SUGCT: variants seen among roughly 807,000 people sequenced by gnomAD.
The protein encoded by SUGCT is succinyl-CoA:glutarate CoA-transferase.
A neutral mutation model predicts 55.0 loss-of-function variants in SUGCT; 41 were observed. The ratio of observed to expected loss-of-function variants is 0.74; its 90% CI spans 0.58 to 0.97. SUGCT has a LOEUF of 0.97. Ranked by LOEUF, SUGCT falls within the 50% of genes least tolerant of loss-of-function variation. SUGCT has a pLI of 0.00. For synonymous variants in SUGCT, 187 were observed against 200.4 expected (o/e 0.93, Z 0.56); for missense variants, 568 against 547.8 (o/e 1.04, Z -0.37).
At chr7:40,806,658 T>A (rs1278153557) in intron 13 of SUGCT, among the ~76,000 whole-genome samples, 1 of 152,154 alleles carries the variant, frequency 6.6e-6, no homozygotes, top group Non-Finnish European at 1.5e-5. Flanking sequence ...TTCCACATAT[T>A]TGTATTCAGA....
intron 12 of SUGCT, among the ~76,000 whole-genome samples, chr7:40,730,348 C>T (rs750088232): frequency 2.0e-5 from 3 of 152,168 alleles, no homozygotes. Context: ...CTCAAGTGAT[C>T]CACCTGCCTC....
the SUGCT span, among the ~76,000 whole-genome samples, chr7:40,874,492 G>A: frequency 3.7e-4 from 56 of 152,208 alleles, 1 homozygote; most frequent in East Asian, 2.5e-3. Context: ...TCTTCTTGCC[G>A]ATACAGTGCG....
At chr7:40,973,258 A>G in the SUGCT span, among the ~76,000 whole-genome samples, 1 of 152,218 alleles carries the variant, frequency 6.6e-6, no homozygotes, top group Admixed American at 6.5e-5. Flanking sequence ...GTGTGCTGAT[A>G]GGTGAATTTT....
chr7:40,846,874 T>C (rs1793582086), intron 13 of SUGCT, among the ~76,000 whole-genome samples: 1 of 152,172 alleles, frequency 6.6e-6, no homozygotes. Flanking sequence ...TTAACCCCAC[T>C]TTCTTCATTG....
At chr7:40,271,852 C>T (rs1358550498) in intron 7 of SUGCT, among the ~76,000 whole-genome samples, 2 of 151,890 alleles carry the variant, frequency 1.3e-5, no homozygotes, top group Non-Finnish European at 1.5e-5. Flanking sequence ...CCTTCCCAGC[C>T]TCTGGTAACC....
the SUGCT span, among the ~76,000 whole-genome samples, chr7:40,981,869 T>A: frequency 6.6e-6 from 1 of 152,214 alleles, no homozygotes; most frequent in South Asian, 2.1e-4. Flanking sequence ...CTAGCATACA[T>A]CTCAAAACTC....
the SUGCT span, among the ~76,000 whole-genome samples, chr7:41,003,350 TAAAC>T: frequency 3.9e-5 from 6 of 152,056 alleles, no homozygotes; most frequent in African/African-American, 1.4e-4. Context: ...CATAAATAAA[TAAAC>T]AGATGGATAG....
chr7:40,473,872 G>T (rs1444710627), intron 11 of SUGCT, among the ~76,000 whole-genome samples: 2 of 152,160 alleles, frequency 1.3e-5, no homozygotes, highest in Non-Finnish European at 2.9e-5. Flanking sequence ...GTGGCTGACA[G>T]GGTGGGTAAA....
At chr7:40,528,083 C>G (rs1234224082) in intron 12 of SUGCT, among the ~76,000 whole-genome samples, 9 of 152,136 alleles carry the variant, frequency 5.9e-5, no homozygotes, top group Admixed American at 5.9e-4. Context: ...CTTAGCCTTT[C>G]TGTGCCTTCA....
intron 12 of SUGCT, among the ~76,000 whole-genome samples, chr7:40,542,566 C>A (rs905926570): frequency 6.6e-6 from 1 of 152,162 alleles, no homozygotes; most frequent in Admixed American, 6.5e-5. Flanking sequence ...AAGGAAGCTG[C>A]CCATATTATA....
chr7:40,479,773 A>G (rs1790920015), intron 11 of SUGCT, among the ~76,000 whole-genome samples: 1 of 152,142 alleles, frequency 6.6e-6, no homozygotes, highest in Non-Finnish European at 1.5e-5. Context: ...GACATAGCGA[A>G]GTTGAGCACC....
At chr7:40,920,975 C>G in the SUGCT span, among the ~76,000 whole-genome samples, 2 of 152,126 alleles carry the variant, frequency 1.3e-5, no homozygotes, top group Non-Finnish European at 2.9e-5. Flanking sequence ...GTGCTATGCT[C>G]ACTTTAAGGA....
At chr7:40,577,717 C>T (rs1392883819) in intron 12 of SUGCT, among the ~76,000 whole-genome samples, 2 of 152,022 alleles carry the variant, frequency 1.3e-5, no homozygotes, top group Non-Finnish European at 2.9e-5. Flanking sequence ...CTGGAATTTC[C>T]CCTTCGCTTT....
At chr7:40,929,458 C>G in the SUGCT span, among the ~76,000 whole-genome samples, 34 of 152,166 alleles carry the variant, frequency 2.2e-4, no homozygotes, top group African/African-American at 8.0e-4. Context: ...ATCGCTGGGT[C>G]AAATGGTATT....
chr7:40,571,314 G>A (rs922088327), intron 12 of SUGCT, among the ~76,000 whole-genome samples: 1 of 152,132 alleles, frequency 6.6e-6, no homozygotes, highest in Non-Finnish European at 1.5e-5. Context: ...GAGAATTACT[G>A]TATAAATGAA....
At chr7:41,021,117 C>A in the SUGCT span, among the ~76,000 whole-genome samples, 1 of 152,164 alleles carries the variant, frequency 6.6e-6, no homozygotes, top group African/African-American at 2.4e-5. Flanking sequence ...TGCACTATCC[C>A]AAGTGTAGGG....
chr7:40,843,669 A>G (rs1473415817), intron 13 of SUGCT, among the ~76,000 whole-genome samples: 3 of 152,122 alleles, frequency 2.0e-5, no homozygotes, highest in African/African-American at 7.2e-5. Context: ...GTGAACAGCA[A>G]GGAGGCCAGT....
chr7:40,235,566 A>G (rs1788965943), intron 6 of SUGCT, among the ~76,000 whole-genome samples: 2 of 152,188 alleles, frequency 1.3e-5, no homozygotes, highest in African/African-American at 4.8e-5. Flanking sequence ...ACCTCAAGTG[A>G]TCTGCCTGCA....
chr7:40,954,697 C>G, the SUGCT span, among the ~76,000 whole-genome samples: 2 of 152,266 alleles, frequency 1.3e-5, no homozygotes, highest in Middle Eastern at 3.4e-3. Context: ...GTGTTTGAGT[C>G]ATGAAGTCTT....
Sources: gnomAD v4.1 joint callset for allele counts (sites outside exome capture counted in the v4.1 genomes callset) on GRCh38, gnomAD v4.1.1 for gene constraint, MANE v1.5 for transcripts, NCBI Gene and HGNC (gene_info 2026-07-23, HGNC 2026-07-21) for gene names.